TRAPPC3: variants seen among roughly 807,000 people sequenced by gnomAD.
The protein encoded by TRAPPC3 is trafficking protein particle complex subunit 3, also known as trafficking protein particle complex 3.
A neutral mutation model predicts 18.2 loss-of-function variants in TRAPPC3; 5 were observed. The ratio of observed to expected loss-of-function variants is 0.28; its 90% CI spans 0.14 to 0.58. The LOEUF is 0.58. Ranked by LOEUF, TRAPPC3 falls within the 20% of genes least tolerant of loss-of-function variation. TRAPPC3 has a pLI of 0.91. For missense variants in TRAPPC3, 176 were observed against 225.9 expected, an observed-to-expected ratio of 0.78 and a Z score of 1.41; for synonymous variants, 65 against 84.2, an observed-to-expected ratio of 0.77 and a Z score of 1.25.
At chr1:36,138,407 T>C (rs1456703273) in intron 3 of TRAPPC3, among the ~76,000 whole-genome samples, 2 of 152,138 alleles carry the variant, frequency 1.3e-5, no homozygotes, top group African/African-American at 4.8e-5. Context: ...TACACATTAC[T>C]GGGCAGAGAA....
Position 36,137,933 on chromosome 1 carries a change from A to G in TRAPPC3, c.286T>C (p.Trp96Arg). The G allele has an allele frequency of 6.2e-7, 1 of 1,614,192 alleles. No individual in the cohort carries two copies. Among genetic ancestry groups the G allele is most frequent in the Non-Finnish European group, 8.5e-7 (1 of 1,180,044 alleles). Reference protein sequence around the residue: ...YLGITPSITNWSPAGDEFSLI... With the variant: ...YLGITPSITNRSPAGDEFSLI... ...GAGAATTCATCACCAGCTGGGCTCCAATTAGTAATGCTTGGAGTGATGCCC... is the reference window on the plus strand; with the variant it reads ...GAGAATTCATCACCAGCTGGGCTCCGATTAGTAATGCTTGGAGTGATGCCC... The change falls in exon 4 of 5, where the codon TGG becomes CGG. Residue 96 changes from tryptophan to arginine, a missense_variant. Physicochemically the swap from Trp to Arg is moderately radical, Grantham distance 101 (BLOSUM62 -3). Transcript: ENST00000373166.
At chr1:36,145,114 C>T (rs756334127) in intron 1 of TRAPPC3, among the ~76,000 whole-genome samples, 15 of 152,082 alleles carry the variant, frequency 9.9e-5, no homozygotes, top group Non-Finnish European at 2.2e-4. Context: ...CTCTGCCTCC[C>T]GGGTTCCTGC....
At chr1:36,149,292 G>A (rs886184344) in intron 1 of TRAPPC3, 45 bp downstream of exon 1, 2 of 1,612,458 alleles carry the variant, frequency 1.2e-6, no homozygotes, top group South Asian at 1.1e-5. Flanking sequence ...TTCCCTGTAC[G>A]CCTCAATTTC....
chr1:36,139,822 G>A lies in TRAPPC3; in HGVS notation c.141-3C>T. The A allele has an allele frequency of 6.2e-7, 1 of 1,614,052 alleles. No homozygotes were observed. The highest frequency in any genetic ancestry group is 8.5e-7 in the Non-Finnish European group (1 of 1,179,996). ...GCCGGACTCCAATGTTAAAGCCCCT[G>A]GGAAGGAAGTTAGAGAAGAGACTAT... On this transcript the variant is annotated splice_polypyrimidine_tract_variant and splice_region_variant and intron_variant, in intron 2 of 4. Transcript: ENST00000373166.
chr1:36,148,925 G>A (rs529102112), intron 1 of TRAPPC3, among the ~76,000 whole-genome samples: 1 of 152,114 alleles, frequency 6.6e-6, no homozygotes, highest in African/African-American at 2.4e-5. Flanking sequence ...TAACTTCCCA[G>A]GTGTAAATAT....
Position 36,137,247 on chromosome 1 carries a change from A to G in TRAPPC3, c.499T>C (p.Phe167Leu). ...AGATTGTCCTCAATCCGCCTGATGA[A>G]TCTCATCCGGATTTCTGTCACACCG... ...GDGVTEIRMRFIRRIEDNLPA... is the reference protein window; with the variant it reads ...GDGVTEIRMRLIRRIEDNLPA... Residue 167 changes from phenylalanine (F) to leucine (L), a missense_variant, in exon 5 of 5, where the codon TTC becomes CTC. Phe to Leu is a conservative substitution (Grantham distance 22). Coordinates refer to ENST00000373166, the MANE Select transcript of TRAPPC3 (RefSeq NM_014408.5). 1 of 1,613,094 alleles carries G rather than the reference A, an allele frequency of 6.2e-7. No homozygotes were observed. The highest frequency in any genetic ancestry group is 8.5e-7 in the Non-Finnish European group (1 of 1,179,172).
intron 3 of TRAPPC3, among the ~76,000 whole-genome samples, chr1:36,138,612 T>C (rs1644060449): frequency 6.6e-6 from 1 of 152,226 alleles, no homozygotes; most frequent in African/African-American, 2.4e-5. Context: ...CTAGTAATAG[T>C]AAACATTTAC....
intron 3 of TRAPPC3, 160 bp from the exon 4 acceptor site, chr1:36,138,138 T>G (rs776908461): frequency 4.2e-5 from 66 of 1,553,662 alleles, no homozygotes; most frequent in Non-Finnish European, 5.4e-5. Context: ...AGGAGAAGCA[T>G]CTGTACATGA....
chr1:36,140,019 G>A (rs935620637), intron 2 of TRAPPC3, 50 bp downstream of exon 2: 1 of 1,510,772 alleles, frequency 6.6e-7, no homozygotes, highest in East Asian at 2.3e-5. Context: ...TGTAGACTCA[G>A]TGTGCTGGGA....
intron 3 of TRAPPC3, 142 bp from the exon 4 acceptor site, chr1:36,138,120 G>C (rs1205382584): frequency 1.3e-6 from 2 of 1,557,432 alleles, no homozygotes; most frequent in Admixed American, 3.9e-5. Context: ...AGATACTCAG[G>C]ACAACAAAGG....
In TRAPPC3 at chr1:36,144,243, A is replaced by T. The variant is rs1370701344; in HGVS notation, c.43-4077T>A. On this transcript the variant is annotated intron_variant, in intron 1 of 4. Coordinates refer to ENST00000373166, the MANE Select transcript of TRAPPC3 (RefSeq NM_014408.5). ...GCGGAGGTTGCGGTAAGCCAAGATC[A>T]TGCCACCGCACTCCAGGCTGGGAGA... Among the ~76,000 whole-genome samples, 11 of 128,778 alleles carry T rather than the reference A, an allele frequency of 8.5e-5. No individual in the cohort carries two copies. The Admixed American group carries it at 1.1e-3, about 13-fold the overall frequency. 84.5% of individuals were successfully genotyped at this position (128,778 alleles called of 152,430 possible).
chr1:36,152,801 C>T (rs911959824), upstream of TRAPPC3, among the ~76,000 whole-genome samples: 2 of 152,134 alleles, frequency 1.3e-5, no homozygotes, highest in African/African-American at 2.4e-5. Context: ...CAGGCACGCA[C>T]CACGATGCCT....
rs965422230 is a variant in TRAPPC3, at chr1:36,139,586, T to G, written c.240+134A>C. ...TGCTATTCCCTAACGACCTGGAATG[T>G]TTTTTTGACCCAAAGAGCTGCCTAG... is the stretch of plus-strand genomic sequence containing the variant. On this transcript the variant is annotated intron_variant, in intron 3 of 4. Coordinates refer to ENST00000373166, the MANE Select transcript of TRAPPC3 (RefSeq NM_014408.5). 9 of 1,204,194 alleles carry G rather than the reference T, an allele frequency of 7.5e-6. No homozygotes were observed. In the African/African-American group the frequency reaches 1.4e-4, roughly 19 times the overall value. The allele number at this position is 1,204,194 out of a possible 1,614,324, so 74.6% of individuals were successfully genotyped here.
intron 1 of TRAPPC3, among the ~76,000 whole-genome samples, chr1:36,143,764 T>C (rs1232051302): frequency 2.0e-5 from 3 of 152,378 alleles, no homozygotes; most frequent in South Asian, 2.1e-4. Flanking sequence ...AGCCTACTTA[T>C]AGTTGAGCAT....
At chr1:36,146,451 C>T (rs1038664442) in intron 1 of TRAPPC3, among the ~76,000 whole-genome samples, 7 of 151,916 alleles carry the variant, frequency 4.6e-5, no homozygotes, top group African/African-American at 1.2e-4. Flanking sequence ...CGCCCGCCAC[C>T]GCGACCGGCT....
At chr1:36,140,251 G>T in intron 1 of TRAPPC3, 85 bp from the exon 2 acceptor site, 4 of 793,726 alleles carry the variant, frequency 5.0e-6, no homozygotes, top group Non-Finnish European at 7.7e-6. Context: ...TGATGCAACT[G>T]TCAGGATTCC....
chr1:36,152,127 T>C (rs1473882363), upstream of TRAPPC3, among the ~76,000 whole-genome samples: 1 of 152,114 alleles, frequency 6.6e-6, no homozygotes, highest in African/African-American at 2.4e-5. Context: ...GGGAGCAGCA[T>C]CCAAGGCCTC....
At chr1:36,144,572 C>T (rs1426616438) in intron 1 of TRAPPC3, among the ~76,000 whole-genome samples, 1 of 152,154 alleles carries the variant, frequency 6.6e-6, no homozygotes, top group Non-Finnish European at 1.5e-5. Flanking sequence ...GAGGATGGCT[C>T]GAGCCTGAGA....
At chr1:36,138,447 C>T (rs1644058563) in intron 3 of TRAPPC3, among the ~76,000 whole-genome samples, 1 of 152,146 alleles carries the variant, frequency 6.6e-6, no homozygotes, top group African/African-American at 2.4e-5. Context: ...CCTCCTAATT[C>T]CAAACTCTCA....
Sources: gnomAD v4.1 joint callset for allele counts (sites outside exome capture counted in the v4.1 genomes callset) on GRCh38, gnomAD v4.1.1 for gene constraint, MANE v1.5 for transcripts, NCBI Gene and HGNC (gene_info 2026-07-23, HGNC 2026-07-21) for gene names.